The following HTT variants were observed in gnomAD, a reference collection of about 807,000 sequenced individuals.
HTT encodes the protein huntingtin.
In HTT, 104 loss-of-function variants were observed where a neutral mutation model predicts 362.3. The observed-to-expected ratio is 0.29, with a 90% CI of 0.24 to 0.34. HTT has a LOEUF of 0.34. Among genes scored for constraint, HTT ranks in the 10% least tolerant of loss-of-function variants. HTT has a pLI of 1.00. For missense variants in HTT, 3,301 were observed against 3,928.6 expected (o/e 0.84, Z 4.27); for synonymous variants, 1,577 against 1,548.7 (o/e 1.02, Z -0.43).
chr4:3,148,798 A>C (rs984305193), intron 26 of HTT, among the ~76,000 whole-genome samples: 10 of 150,488 alleles, frequency 6.6e-5, no homozygotes, highest in African/African-American at 2.4e-4. Context: ...ACTCCGTCTC[A>C]AAAAAAAAAT....
intron 26 of HTT, among the ~76,000 whole-genome samples, chr4:3,149,408 C>G (rs532425328): frequency 1.1e-4 from 16 of 148,906 alleles, no homozygotes; most frequent in African/African-American, 3.2e-4. Flanking sequence ...AACGATTCTT[C>G]TGCCTCAGCC....
At chr4:3,207,422 G>T in intron 45 of HTT, 65 bp downstream of exon 45, 1 of 1,312,750 alleles carries the variant, frequency 7.6e-7, no homozygotes, top group African/African-American at 1.5e-5. Context: ...ATATAGATTT[G>T]TACGGGAATA....
At chr4:3,210,085 G>A (rs370886127) in intron 47 of HTT, 136 bp downstream of exon 47, 25 of 1,084,170 alleles carry the variant, frequency 2.3e-5, no homozygotes, top group Non-Finnish European at 3.0e-5. Flanking sequence ...ACGGGATGTC[G>A]GAGAGACTCC....
intron 40 of HTT, among the ~76,000 whole-genome samples, chr4:3,194,678 C>T (rs898433124): frequency 3.9e-5 from 6 of 152,174 alleles, no homozygotes; most frequent in Admixed American, 1.3e-4. Flanking sequence ...TGTGCCATGA[C>T]GCTCACGGAG....
At chr4:3,159,358 C>T (rs573340957) in intron 28 of HTT, among the ~76,000 whole-genome samples, 10 of 152,288 alleles carry the variant, frequency 6.6e-5, no homozygotes, top group African/African-American at 2.2e-4. Context: ...CCTTCTTTTC[C>T]CTCCCACTTA....
intron 37 of HTT, among the ~76,000 whole-genome samples, chr4:3,183,462 G>C (rs1028998060): frequency 3.3e-5 from 5 of 152,220 alleles, no homozygotes; most frequent in African/African-American, 9.6e-5. Flanking sequence ...TGTTCATCTT[G>C]ATTATACACA....
chr4:3,170,935 G>C (rs1211168300), intron 29 of HTT, among the ~76,000 whole-genome samples: 1 of 152,220 alleles, frequency 6.6e-6, no homozygotes, highest in Non-Finnish European at 1.5e-5. Flanking sequence ...TTGTAGCAGA[G>C]CCCTGGTTCC....
At chr4:3,122,852 G>T in intron 9 of HTT, 37 bp from the exon 10 acceptor site, 3 of 1,542,042 alleles carry the variant, frequency 1.9e-6, no homozygotes, top group South Asian at 2.4e-5. Context: ...GATTTTATCA[G>T]CTTGTTACTT....
chr4:3,084,659 C>T (rs1403726279), intron 1 of HTT, among the ~76,000 whole-genome samples: 2 of 149,868 alleles, frequency 1.3e-5, no homozygotes, highest in South Asian at 2.1e-4. Context: ...CATTGCACTT[C>T]AGCCTGTGTG....
At chr4:3,165,512 A>G (rs1241081836) in intron 29 of HTT, among the ~76,000 whole-genome samples, 1 of 152,108 alleles carries the variant, frequency 6.6e-6, no homozygotes, top group African/African-American at 2.4e-5. Flanking sequence ...GTGTTTTCTA[A>G]CTTGGTTCTA....
chr4:3,200,584 C>T (rs573033548), intron 41 of HTT, among the ~76,000 whole-genome samples: 2 of 152,178 alleles, frequency 1.3e-5, no homozygotes, highest in Non-Finnish European at 2.9e-5. Flanking sequence ...CAAGATCCCA[C>T]GCTGGGGAAA....
rs554545922 is a variant in HTT, at chr4:3,136,104, C to T, written c.2698-122C>T. On this transcript the variant is annotated intron_variant, in intron 20 of 66. Transcript: ENST00000355072. ...CAGTTTATATCATGAAAGTTATAAT[C>T]TTGTCATATGGATTTAAGTCTAGTA... 1.1e-5 allele frequency: 10 copies of T among 886,414 alleles called. No homozygotes were observed. In the East Asian group the frequency reaches 2.5e-4, roughly 23 times the overall value. The allele number at this position is 886,414 out of a possible 1,614,324, so 54.9% of individuals were successfully genotyped here. A position where few individuals can be genotyped will look rare whatever the true frequency, so the allele number is the denominator to read the frequency against.
chr4:3,176,012 G>T (rs964470355), intron 33 of HTT, among the ~76,000 whole-genome samples: 6 of 146,462 alleles, frequency 4.1e-5, no homozygotes, highest in African/African-American at 7.9e-5. Context: ...TGTTTTTTTT[G>T]TTGTTGTTGT....
At chr4:3,091,297 A>G (rs1467817052) in intron 2 of HTT, among the ~76,000 whole-genome samples, 1 of 152,188 alleles carries the variant, frequency 6.6e-6, no homozygotes, top group Non-Finnish European at 1.5e-5. Flanking sequence ...GAAATGATAC[A>G]TTTCTCTGAC....
rs985354385 is a variant in HTT at position 3,206,105 on chromosome 4, G to A, written c.5719-391G>A. The stretch of plus-strand genomic sequence containing the variant: ...AGAACCCCACTGGCTTAGCCGGCCC[G>A]AAGCCCGGGAGAGGGCAGGCAGTGC... On this transcript the variant is annotated intron_variant, in intron 42 of 66. Coordinates refer to ENST00000355072, the MANE Select transcript of HTT (RefSeq NM_001388492.1). This position sits in a 1 kb window ranked among gnomAD's most constrained non-coding sequence, Gnocchi z 4.6. Among the ~76,000 whole-genome samples, 5 of 152,220 alleles carry A rather than the reference G, an allele frequency of 3.3e-5. No homozygotes were observed. The highest frequency in any genetic ancestry group is 7.3e-5 in the Non-Finnish European group (5 of 68,036).
chr4:3,139,279 C>A (rs991242483), intron 21 of HTT, among the ~76,000 whole-genome samples: 1 of 152,182 alleles, frequency 6.6e-6, no homozygotes. Flanking sequence ...CTCATTGCAA[C>A]TATTGCCTCC....
chr4:3,210,939 G>A (rs540985159), intron 47 of HTT, among the ~76,000 whole-genome samples: 1 of 115,594 alleles, frequency 8.7e-6, no homozygotes, highest in South Asian at 2.5e-4. Flanking sequence ...TCTCGCTGTT[G>A]TCCCCCAGGC....
intron 29 of HTT, among the ~76,000 whole-genome samples, chr4:3,161,042 G>A (rs1717415172): frequency 6.6e-6 from 1 of 152,014 alleles, no homozygotes; most frequent in South Asian, 2.1e-4. Context: ...ACCTACATTA[G>A]GTATTTCTCC....
At position 3,238,459 on chromosome 4, in the gene HTT, C is replaced by G; in HGVS notation, c.8904C>G (p.Gly2968=). 1 of 1,610,804 alleles carries G rather than the reference C, an allele frequency of 6.2e-7. No homozygotes were observed. Among genetic ancestry groups the G allele is most frequent in the Non-Finnish European group, 8.5e-7 (1 of 1,178,414 alleles). ...VSVLFDRIRK[G]FPCEARVVAR... ...TCCCTCCTCCCAGGATCAGGAAAGG[C>G]TTTCCTTGTGAAGCCAGAGTGGTGG... The change falls in exon 65 of 67, where the codon GGC becomes GGG. Residue 2968 remains glycine, a synonymous_variant. Coordinates refer to ENST00000355072, the MANE Select transcript of HTT (RefSeq NM_001388492.1).
Sources: gnomAD v4.1 joint callset for allele counts (sites outside exome capture counted in the v4.1 genomes callset) on GRCh38, gnomAD v4.1.1 for gene constraint, Gnocchi (gnomAD v3.1) non-coding constraint, MANE v1.5 for transcripts, NCBI Gene and HGNC (gene_info 2026-07-23, HGNC 2026-07-21) for gene names.